DTNA: variants seen among roughly 807,000 people sequenced by gnomAD.
The protein encoded by DTNA is dystrobrevin alpha.
In DTNA, 43 loss-of-function variants were observed where a neutral mutation model predicts 100.7. The ratio of observed to expected loss-of-function variants is 0.43; its 90% CI spans 0.33 to 0.55. DTNA has a LOEUF of 0.55. Among genes scored for constraint, DTNA ranks in the 20% least tolerant of loss-of-function variants. The pLI is 0.04. For missense variants in DTNA, 798 were observed against 953.9 expected (o/e 0.84, Z 2.15); for synonymous variants, 349 against 347.9 (o/e 1.00, Z -0.04).
chr18:34,772,472 G>A (rs1397262048), intron 3 of DTNA, among the ~76,000 whole-genome samples: 3 of 151,880 alleles, frequency 2.0e-5, no homozygotes, highest in African/African-American at 4.8e-5. Context: ...ATAACTAGTC[G>A]GTCCTGAATC....
At chr18:34,738,816 T>G (rs1315363185) in intron 1 of DTNA, among the ~76,000 whole-genome samples, 1 of 152,246 alleles carries the variant, frequency 6.6e-6, no homozygotes, top group East Asian at 1.9e-4. Context: ...GAAGGATTAG[T>G]GCAGAATGCA....
intron 1 of DTNA, among the ~76,000 whole-genome samples, chr18:34,528,988 A>G (rs1449646629): frequency 6.6e-6 from 1 of 152,142 alleles, no homozygotes; most frequent in Non-Finnish European, 1.5e-5. Context: ...CAACTCAGGC[A>G]TAGCCATTGA....
intron 1 of DTNA, among the ~76,000 whole-genome samples, chr18:34,729,054 A>T (rs1477020181): frequency 6.6e-6 from 1 of 152,138 alleles, no homozygotes; most frequent in Non-Finnish European, 1.5e-5. Flanking sequence ...GTCCCAGAGA[A>T]GTCACAAGAA....
rs143240161 is a variant in DTNA at position 34,821,030 on chromosome 18, TA to T, written c.1001+125del. 7,876 of 1,339,352 alleles carry T rather than the reference TA, an allele frequency of 5.9e-3. 1 individual carries two copies. The highest frequency in any genetic ancestry group is 6.3e-3 in the Non-Finnish European group (6,131 of 979,326). The allele number at this position is 1,339,352 out of a possible 1,614,324, so 83.0% of individuals were successfully genotyped here. ...AGCAACCAAGATTTTTAATTTAGTT[TA>T]AAAAAAAAAGTCAGAGTAATGCCAT... On this transcript the variant is annotated intron_variant, in intron 9 of 22. Coordinates refer to ENST00000444659, the MANE Select transcript of DTNA (RefSeq NM_001386795.1).
chr18:34,611,210 T>A (rs28477901), intron 1 of DTNA, among the ~76,000 whole-genome samples: 192 of 152,308 alleles, frequency 1.3e-3, no homozygotes, highest in African/African-American at 4.5e-3. Flanking sequence ...AATTCTTGGA[T>A]TTTTTGGAGG....
chr18:34,608,454 G>A (rs995609000), intron 1 of DTNA, among the ~76,000 whole-genome samples: 5 of 151,488 alleles, frequency 3.3e-5, no homozygotes, highest in Middle Eastern at 7.1e-3. Flanking sequence ...GCACCCATCA[G>A]TATGTCTTTC....
intron 11 of DTNA, among the ~76,000 whole-genome samples, chr18:34,829,929 T>C (rs1338996648): frequency 6.6e-6 from 1 of 152,180 alleles, no homozygotes; most frequent in Non-Finnish European, 1.5e-5. Flanking sequence ...ACTTGTACCT[T>C]TCTGTCCTAT....
intron 8 of DTNA, 151 bp downstream of exon 8, chr18:34,818,481 C>G (rs1175563477): frequency 5.2e-6 from 8 of 1,524,982 alleles, no homozygotes; most frequent in Non-Finnish European, 7.0e-6. Context: ...ACTCTCCACC[C>G]TACTGCGTGC....
At chr18:34,867,212 T>A in intron 17 of DTNA, 1 of 1,231,456 alleles carries the variant, frequency 8.1e-7, no homozygotes. Flanking sequence ...TTATGTGTGT[T>A]TGTGTGTAAC....
At chr18:34,596,272 T>G (rs944899332) in intron 1 of DTNA, among the ~76,000 whole-genome samples, 4 of 152,132 alleles carry the variant, frequency 2.6e-5, no homozygotes, top group African/African-American at 9.7e-5. Context: ...TGCAGTGACA[T>G]GACGCGATTG....
intron 1 of DTNA, among the ~76,000 whole-genome samples, chr18:34,527,827 T>C (rs1376411320): frequency 6.6e-6 from 1 of 152,028 alleles, no homozygotes; most frequent in Non-Finnish European, 1.5e-5. Flanking sequence ...TTAGGTAAAA[T>C]CCTAAGCTTT....
At position 34,890,359 on chromosome 18, in the gene DTNA, G is replaced by A; in HGVS notation, c.*2625G>A. ...CCTGTCCTGTAAGCGAGACAAAATG[G>A]CGTGTGTTATTTTGGGGTTTTGTGT... is the stretch of plus-strand genomic sequence containing the variant. On this transcript the variant is annotated 3_prime_UTR_variant, in exon 23 of 23. Transcript: ENST00000444659. 1 of 1,536,134 alleles carries A rather than the reference G, an allele frequency of 6.5e-7. No homozygotes were observed. The highest frequency in any genetic ancestry group is 2.4e-5 in the East Asian group (1 of 40,916).
At chr18:34,722,057 T>TA (rs2146982731) in intron 1 of DTNA, among the ~76,000 whole-genome samples, 2 of 152,222 alleles carry the variant, frequency 1.3e-5, no homozygotes, top group Middle Eastern at 3.4e-3. Context: ...CCTAAAATGT[T>TA]TAAAAAAAGT....
chr18:34,572,364 A>G (rs1459346426), intron 1 of DTNA, among the ~76,000 whole-genome samples: 1 of 152,180 alleles, frequency 6.6e-6, no homozygotes, highest in Non-Finnish European at 1.5e-5. Context: ...AACCATGATA[A>G]TGATGATAGT....
intron 1 of DTNA, among the ~76,000 whole-genome samples, chr18:34,681,961 T>G (rs1263210393): frequency 6.6e-6 from 1 of 152,162 alleles, no homozygotes; most frequent in Non-Finnish European, 1.5e-5. Context: ...CTCTTGCCTA[T>G]TCATCCCTCC....
chr18:34,874,750 A>T (rs933827209), intron 17 of DTNA, among the ~76,000 whole-genome samples: 3 of 152,220 alleles, frequency 2.0e-5, no homozygotes, highest in African/African-American at 7.2e-5. Context: ...TTAATTTGAG[A>T]CTTAATATGC....
chr18:34,703,802 T>C (rs2081734508), intron 1 of DTNA, among the ~76,000 whole-genome samples: 1 of 152,256 alleles, frequency 6.6e-6, no homozygotes, highest in East Asian at 1.9e-4. Flanking sequence ...TTTAAGTGTA[T>C]AGAATGAAAT....
At position 34,810,019 on chromosome 18, in the gene DTNA, T is replaced by C. The variant is rs576730857; in HGVS notation, c.449-1940T>C. 3.3e-5 allele frequency among the ~76,000 whole-genome samples: 5 copies of C among 152,260 alleles called. No homozygotes were observed. In the South Asian group the frequency reaches 8.3e-4, roughly 25 times the overall value. On this transcript the variant is annotated intron_variant, in intron 5 of 22. Coordinates refer to ENST00000444659, the MANE Select transcript of DTNA (RefSeq NM_001386795.1). ...TTTTGTCAGATTGTTCTTGGCCCAA[T>C]TATAAGCTGTTTTAATGGGTTGGAA...
chr18:34,786,996 T>G (rs552857323), intron 3 of DTNA, among the ~76,000 whole-genome samples: 1 of 152,144 alleles, frequency 6.6e-6, no homozygotes, highest in Non-Finnish European at 1.5e-5. Flanking sequence ...TGCCTAGATA[T>G]GTTGTTAAAA....
Sources: allele counts gnomAD v4.1 joint callset (sites outside exome capture counted in the v4.1 genomes callset), GRCh38; gene constraint gnomAD v4.1.1; transcripts MANE v1.5; gene names NCBI Gene and HGNC (gene_info 2026-07-23, HGNC 2026-07-21).